ENTREP2: variants seen among roughly 807,000 people sequenced by gnomAD.
ENTREP2 encodes endosomal transmembrane epsin interactor 2.
the ENTREP2 span, among the ~76,000 whole-genome samples, chr15:29,397,838 A>G: frequency 2.6e-5 from 4 of 152,332 alleles, no homozygotes; most frequent in African/African-American, 7.2e-5. Context: ...TTGTCTTTAT[A>G]AAGGTCAGTG....
At chr15:29,538,756 C>T in the ENTREP2 span, among the ~76,000 whole-genome samples, 50 of 151,818 alleles carry the variant, frequency 3.3e-4, no homozygotes, top group Admixed American at 1.7e-3. Flanking sequence ...TTGCAGTGAG[C>T]CGAGATCATG....
chr15:29,127,719 C>A, the ENTREP2 span, among the ~76,000 whole-genome samples: 8 of 152,316 alleles, frequency 5.3e-5, no homozygotes, highest in Non-Finnish European at 8.8e-5. Flanking sequence ...GAAGATCCAG[C>A]CCTGCTGAAT....
At chr15:29,176,973 C>A in the ENTREP2 span, among the ~76,000 whole-genome samples, 1 of 152,190 alleles carries the variant, frequency 6.6e-6, no homozygotes, top group African/African-American at 2.4e-5. Flanking sequence ...ACCCCAAACA[C>A]CCCAATTCAG....
the ENTREP2 span, among the ~76,000 whole-genome samples, chr15:29,651,219 C>T: frequency 6.6e-6 from 1 of 152,178 alleles, no homozygotes. Flanking sequence ...GCAGACCTAG[C>T]TAAATACTGT....
the ENTREP2 span, among the ~76,000 whole-genome samples, chr15:29,428,092 A>G: frequency 6.6e-6 from 1 of 152,366 alleles, no homozygotes; most frequent in Non-Finnish European, 1.5e-5. Flanking sequence ...GTTAAATGAC[A>G]GAACAGAAAT....
the ENTREP2 span, among the ~76,000 whole-genome samples, chr15:29,290,848 G>A: frequency 4.6e-5 from 7 of 152,332 alleles, no homozygotes; most frequent in Non-Finnish European, 8.8e-5. Context: ...CACTGTGGGA[G>A]CCAAAGGGAG....
chr15:29,353,163 T>C, the ENTREP2 span, among the ~76,000 whole-genome samples: 32 of 152,248 alleles, frequency 2.1e-4, no homozygotes, highest in Admixed American at 1.2e-3. Context: ...TTTAAAAATA[T>C]ATAAATAATT....
At chr15:29,293,726 C>T in the ENTREP2 span, among the ~76,000 whole-genome samples, 29 of 152,282 alleles carry the variant, frequency 1.9e-4, no homozygotes, top group South Asian at 1.2e-3. Context: ...ACTTCACACT[C>T]GGGGAAGCGT....
chr15:29,293,381 G>A, the ENTREP2 span, among the ~76,000 whole-genome samples: 1 of 151,772 alleles, frequency 6.6e-6, no homozygotes, highest in Non-Finnish European at 1.5e-5. Context: ...CTGAGTAGCT[G>A]GGACTACAGG....
chr15:29,257,035 ATTT>A, the ENTREP2 span, among the ~76,000 whole-genome samples: 2 of 147,362 alleles, frequency 1.4e-5, no homozygotes, highest in South Asian at 4.3e-4. Context: ...ATCACAGTTT[ATTT>A]TTTTATTATT....
At chr15:29,601,775 G>A in the ENTREP2 span, among the ~76,000 whole-genome samples, 1 of 152,118 alleles carries the variant, frequency 6.6e-6, no homozygotes, top group Non-Finnish European at 1.5e-5. Flanking sequence ...GTTTATCACT[G>A]AGAATCACCG....
chr15:29,307,857 A>C, the ENTREP2 span, among the ~76,000 whole-genome samples: 1 of 152,236 alleles, frequency 6.6e-6, no homozygotes, highest in African/African-American at 2.4e-5. Context: ...TGGACTTTCC[A>C]GCCTCCAGAA....
chr15:29,420,207 G>C, the ENTREP2 span, among the ~76,000 whole-genome samples: 1 of 152,128 alleles, frequency 6.6e-6, no homozygotes, highest in African/African-American at 2.4e-5. Context: ...AGGGATTTGG[G>C]GGCTAATCAA....
chr15:29,630,681 C>CTATT, the ENTREP2 span, among the ~76,000 whole-genome samples: 16 of 152,100 alleles, frequency 1.1e-4, no homozygotes, highest in South Asian at 1.5e-3. Flanking sequence ...GCTATTTTCT[C>CTATT]TATTTATTTA....
chr15:29,281,686 C>T, the ENTREP2 span, among the ~76,000 whole-genome samples: 1 of 152,212 alleles, frequency 6.6e-6, no homozygotes, highest in African/African-American at 2.4e-5. Flanking sequence ...TGCCATTTGA[C>T]GTAATAACTT....
At chr15:29,434,954 A>G in the ENTREP2 span, among the ~76,000 whole-genome samples, 2 of 152,156 alleles carry the variant, frequency 1.3e-5, no homozygotes, top group East Asian at 3.9e-4. Flanking sequence ...TGTGGCTCCC[A>G]GGGAATCTCA....
chr15:29,434,052 C>A, the ENTREP2 span, among the ~76,000 whole-genome samples: 1 of 152,226 alleles, frequency 6.6e-6, no homozygotes, highest in Non-Finnish European at 1.5e-5. Context: ...GAGTGTACAA[C>A]AGTACCTAGA....
At chr15:29,345,013 G>A in the ENTREP2 span, among the ~76,000 whole-genome samples, 1 of 151,276 alleles carries the variant, frequency 6.6e-6, no homozygotes, top group Admixed American at 6.6e-5. Flanking sequence ...CTTTCTGGAG[G>A]TTGTTTCCCT....
the ENTREP2 span, among the ~76,000 whole-genome samples, chr15:29,558,188 A>G: frequency 6.6e-6 from 1 of 152,070 alleles, no homozygotes; most frequent in Non-Finnish European, 1.5e-5. Context: ...ACAAGGGAAA[A>G]AGGAGAGAAA....
Sources: allele counts gnomAD v4.1 joint callset (sites outside exome capture counted in the v4.1 genomes callset), GRCh38; gene constraint gnomAD v4.1.1; transcripts MANE v1.5; gene names NCBI Gene and HGNC (gene_info 2026-07-23, HGNC 2026-07-21).